SLC4A7: variants seen among roughly 807,000 people sequenced by gnomAD.
SLC4A7 encodes the protein solute carrier family 4 member 7.
In SLC4A7, 51 loss-of-function variants were observed where a neutral mutation model predicts 137.6. The observed-to-expected ratio is 0.37, with a 90% CI of 0.30 to 0.47. The LOEUF is 0.47. Ranked by LOEUF, SLC4A7 falls within the 20% of genes least tolerant of loss-of-function variation. The pLI is 1.00. For missense variants in SLC4A7, 1,247 were observed against 1,525.4 expected (o/e 0.82, Z 3.04); for synonymous variants, 542 against 518.6 (o/e 1.05, Z -0.61).
Position 27,437,548 on chromosome 3 carries a change from A to T in SLC4A7, c.290-22T>A, listed in dbSNP as rs775192112. 2.1e-5 allele frequency: 31 copies of T among 1,476,046 alleles called. 1 individual carries two copies. The highest frequency in any genetic ancestry group is 1.0e-4 in the Admixed American group (4 of 39,456). 91.4% of individuals were successfully genotyped at this position (1,476,046 alleles called of 1,614,324 possible). ...GTATCTTTACAAAATAAGAATTTAC[A>T]TATACTCAAATTTTTCCTCAAGTCA... is the stretch of plus-strand genomic sequence containing the variant. On this transcript the variant is annotated intron_variant, in intron 3 of 25. Coordinates refer to ENST00000454389, the MANE Select transcript of SLC4A7 (RefSeq NM_001321103.2).
At chr3:27,477,429 C>T (rs2150739787) in intron 1 of SLC4A7, among the ~76,000 whole-genome samples, 1 of 152,310 alleles carries the variant, frequency 6.6e-6, no homozygotes, top group Admixed American at 6.5e-5. Flanking sequence ...TCAGGCCCTA[C>T]CATTGGAGGC....
At chr3:27,478,199 G>A (rs201630124) in intron 1 of SLC4A7, among the ~76,000 whole-genome samples, 22,114 of 133,240 alleles carry the variant, frequency 0.17, 1,859 homozygotes, top group South Asian at 0.29. Context: ...TCTGAAAAAT[G>A]AGGAAAAAAA....
intron 2 of SLC4A7, among the ~76,000 whole-genome samples, chr3:27,451,978 A>T (rs1186165033): frequency 6.6e-6 from 1 of 152,152 alleles, no homozygotes; most frequent in African/African-American, 2.4e-5. Context: ...AAGATGGGCA[A>T]ATAACTCAGT....
chr3:27,436,130 A>C (rs971229543), intron 5 of SLC4A7, among the ~76,000 whole-genome samples: 2 of 152,190 alleles, frequency 1.3e-5, no homozygotes, highest in Non-Finnish European at 2.9e-5. Flanking sequence ...ATTCCAAAAA[A>C]CAAGGAAACA....
chr3:27,436,271 C>T (rs1241368458), intron 5 of SLC4A7, 117 bp downstream of exon 5: 2 of 654,638 alleles, frequency 3.1e-6, no homozygotes, highest in African/African-American at 1.8e-5. Flanking sequence ...GACAAAAATT[C>T]TATCTTATTT....
In SLC4A7 at chr3:27,428,641, T is replaced by G. The variant is rs116873555; in HGVS notation, c.1150+2657A>C. Among the ~76,000 whole-genome samples, 15 of 152,268 alleles carry G rather than the reference T, an allele frequency of 9.9e-5. No homozygotes were observed. In the East Asian group the frequency reaches 2.9e-3, roughly 29 times the overall value. Reference sequence around the variant, plus strand: ...AGGATTTAGGCCATCAGTTACTAGTTGTATGATGCAGGGGAAGATGACTAA... The same window carrying G: ...AGGATTTAGGCCATCAGTTACTAGTGGTATGATGCAGGGGAAGATGACTAA... On this transcript the variant is annotated intron_variant, in intron 7 of 25. Transcript: ENST00000454389.
intron 1 of SLC4A7, 67 bp from the exon 2 acceptor site, chr3:27,452,565 T>C: frequency 1.0e-6 from 1 of 964,256 alleles, no homozygotes; most frequent in East Asian, 2.7e-5. Flanking sequence ...ATATGCATCC[T>C]TTGAAATGGC....
chr3:27,419,754 A>T (rs969418764), intron 10 of SLC4A7, among the ~76,000 whole-genome samples: 1 of 152,164 alleles, frequency 6.6e-6, no homozygotes, highest in East Asian at 1.9e-4. Flanking sequence ...CTATACAATA[A>T]ATACTCATAA....
intron 1 of SLC4A7, among the ~76,000 whole-genome samples, chr3:27,481,899 G>A (rs767869734): frequency 2.6e-5 from 4 of 152,164 alleles, no homozygotes; most frequent in Non-Finnish European, 5.9e-5. Context: ...ACTCTGTGAG[G>A]CCGAGGTGGG....
chr3:27,438,791 C>A (rs2056964634), intron 3 of SLC4A7, among the ~76,000 whole-genome samples: 1 of 151,964 alleles, frequency 6.6e-6, no homozygotes, highest in Non-Finnish European at 1.5e-5. Flanking sequence ...TAGAAAATCT[C>A]CAAGTTCCAA....
intron 11 of SLC4A7, among the ~76,000 whole-genome samples, chr3:27,412,329 G>A (rs2053979745): frequency 2.6e-5 from 4 of 152,114 alleles, no homozygotes; most frequent in Non-Finnish European, 5.9e-5. Flanking sequence ...CTTTTAACTT[G>A]TTACATCAAG....
At chr3:27,403,410 T>C (rs778115192) in intron 14 of SLC4A7, 26 bp from the exon 15 acceptor site, 4 of 1,511,376 alleles carry the variant, frequency 2.6e-6, no homozygotes, top group Non-Finnish European at 3.6e-6. Flanking sequence ...AATATGAATA[T>C]GATAAACATA....
At chr3:27,479,901 A>G (rs2059638764) in intron 1 of SLC4A7, among the ~76,000 whole-genome samples, 1 of 152,246 alleles carries the variant, frequency 6.6e-6, no homozygotes, top group Non-Finnish European at 1.5e-5. Flanking sequence ...CAGTTTAGTC[A>G]GTTGCAGATC....
In SLC4A7 at chr3:27,426,511, G is replaced by GTA. The variant is rs201708041; in HGVS notation, c.1151-2361_1151-2360dup. Among the ~76,000 whole-genome samples, 578 of 152,210 alleles carry GTA rather than the reference G, an allele frequency of 3.8e-3. 2 individuals are homozygous for GTA. The highest frequency in any genetic ancestry group is 0.013 in the African/African-American group (551 of 41,528). On this transcript the variant is annotated intron_variant, in intron 7 of 25. Transcript: ENST00000454389. Reference sequence around the variant, plus strand: ...CAAAGGCTAAATGTATTCCACCTGTGTATATATATCATCAAAAGCATACAT... The same window carrying GTA: ...CAAAGGCTAAATGTATTCCACCTGTGTATATATATATCATCAAAAGCATACAT...
intron 21 of SLC4A7, 109 bp from the exon 22 acceptor site, chr3:27,390,213 T>C: frequency 1.6e-6 from 1 of 625,702 alleles, no homozygotes; most frequent in South Asian, 2.4e-5. Context: ...GTAACTTCCT[T>C]GACATTTTCT....
At chr3:27,436,958 A>G (rs982098428) in intron 4 of SLC4A7, among the ~76,000 whole-genome samples, 8 of 152,358 alleles carry the variant, frequency 5.3e-5, no homozygotes, top group Non-Finnish European at 1.0e-4. Context: ...CTATCAATTA[A>G]TAAGGAAATT....
intron 16 of SLC4A7, among the ~76,000 whole-genome samples, chr3:27,399,665 C>T (rs1001437634): frequency 5.3e-5 from 8 of 152,154 alleles, no homozygotes; most frequent in African/African-American, 1.7e-4. Flanking sequence ...CTCCTGGCCT[C>T]TAGCAATACT....
chr3:27,397,284 G>A (rs2052282277), intron 18 of SLC4A7, among the ~76,000 whole-genome samples: 1 of 152,110 alleles, frequency 6.6e-6, no homozygotes, highest in Admixed American at 6.6e-5. Context: ...CCAAAGTGCT[G>A]GGATTACAGG....
chr3:27,386,862 A>G (rs1194757030), intron 22 of SLC4A7, among the ~76,000 whole-genome samples: 1 of 94,156 alleles, frequency 1.1e-5, no homozygotes, highest in East Asian at 2.2e-4. Flanking sequence ...ACTGAATTCA[A>G]TTTTGATTTC....
Sources: allele counts gnomAD v4.1 joint callset (sites outside exome capture counted in the v4.1 genomes callset), GRCh38; gene constraint gnomAD v4.1.1; transcripts MANE v1.5; gene names NCBI Gene and HGNC (gene_info 2026-07-23, HGNC 2026-07-21).